Variants in ADAMTS7 observed in about 807,000 individuals in gnomAD.
The protein encoded by ADAMTS7 is ADAM metallopeptidase with thrombospondin type 1 motif 7.
ADAMTS7 carries 89 observed loss-of-function variants against 172.6 expected under a neutral mutation model. The observed-to-expected ratio is 0.52, with a 90% CI of 0.43 to 0.61. ADAMTS7 has a LOEUF of 0.61. Among genes scored for constraint, ADAMTS7 ranks in the 20% least tolerant of loss-of-function variants. The pLI is 0.00. For missense variants in ADAMTS7, 1,973 were observed against 2,355.6 expected (o/e 0.84, Z 3.36); for synonymous variants, 885 against 978.4 (o/e 0.90, Z 1.78).
In ADAMTS7 at chr15:78,796,560, G is replaced by A. The variant is rs768739322; in HGVS notation, c.819+30C>T. 17 of 1,303,372 alleles carry A rather than the reference G, an allele frequency of 1.3e-5. No individual in the cohort carries two copies. In the East Asian group the frequency reaches 1.6e-4, roughly 12 times the overall value. The allele number at this position is 1,303,372 out of a possible 1,614,324, so 80.7% of individuals were successfully genotyped here. Reference sequence around the variant, plus strand: ...CACCCCACCCCCCAACACCATCCCCGCCACCCGCTCCTGGCCCACACAGAC... The same window carrying A: ...CACCCCACCCCCCAACACCATCCCCACCACCCGCTCCTGGCCCACACAGAC... On this transcript the variant is annotated intron_variant, in intron 4 of 23. Transcript: ENST00000388820.
At chr15:78,799,044 G>A (rs1194057959) in intron 2 of ADAMTS7, among the ~76,000 whole-genome samples, 1 of 147,078 alleles carries the variant, frequency 6.8e-6, no homozygotes, top group African/African-American at 2.5e-5. Context: ...GATGCCCCAT[G>A]TGCACAGCTG....
chr15:78,806,434 G>GT (rs899291966), intron 1 of ADAMTS7, among the ~76,000 whole-genome samples: 1 of 152,200 alleles, frequency 6.6e-6, no homozygotes, highest in Non-Finnish European at 1.5e-5. Context: ...GTCCAGGCAT[G>GT]TGTTTTGTAA....
At position 78,791,165 on chromosome 15, in the gene ADAMTS7, C is replaced by T. The variant is rs777140162; in HGVS notation, c.878G>A (p.Arg293His). Residue 293 changes from arginine (R) to histidine (H), a missense_variant, in exon 5 of 24, where the codon CGC becomes CAC. Arg to His is a conservative substitution (Grantham distance 29, BLOSUM62 0). This residue lies in a region of ADAMTS7 where 526 missense variants were observed against 662.9 expected (regional missense o/e 0.79). Transcript: ENST00000388820. ...CTCCTCATCTTCCAGCAGGACCAGGCGCACAATGGTGATGTGGATGGGGTT... is the reference window on the plus strand; with the variant it reads ...CTCCTCATCTTCCAGCAGGACCAGGTGCACAATGGTGATGTGGATGGGGTT... ...IGNPIHITIV[R>H]LVLLEDEEED... The T allele has an allele frequency of 1.7e-5, 27 of 1,613,342 alleles. No individual in the cohort carries two copies. Among genetic ancestry groups the T allele is most frequent in the Middle Eastern group, 1.7e-4 (1 of 6,034 alleles).
At chr15:78,790,355 T>C (rs893795071) in intron 6 of ADAMTS7, among the ~76,000 whole-genome samples, 7 of 152,166 alleles carry the variant, frequency 4.6e-5, no homozygotes, top group African/African-American at 1.2e-4. Context: ...AGTCTGTGGA[T>C]GGTATCAGTG....
chr15:78,805,449 G>A (rs1325268725), intron 1 of ADAMTS7, among the ~76,000 whole-genome samples: 1 of 149,822 alleles, frequency 6.7e-6, no homozygotes, highest in African/African-American at 2.6e-5. Context: ...TGGCTGGGGT[G>A]GAGCAGTGAG....
At chr15:78,790,601 G>A in intron 6 of ADAMTS7, 69 bp downstream of exon 6, 2 of 1,588,854 alleles carry the variant, frequency 1.3e-6, no homozygotes, top group East Asian at 4.5e-5. Context: ...TCCTCCACCA[G>A]GGCTTCTTCT....
chr15:78,787,960 T>C lies in ADAMTS7; in HGVS notation c.1322+271A>G, dbSNP rs753660108. 4.6e-5 allele frequency among the ~76,000 whole-genome samples: 7 copies of C among 152,144 alleles called. No homozygotes were observed. The East Asian group carries it at 7.8e-4, about 17-fold the overall frequency. On this transcript the variant is annotated intron_variant, in intron 8 of 23. Transcript: ENST00000388820. ...CTTCTCCCTTCTGCACATGTGTGAA[T>C]TCTTGCTCCTCCTCCAAGTTCAAGC...
intron 17 of ADAMTS7, 70 bp from the exon 18 acceptor site, chr15:78,767,662 G>A: frequency 3.6e-6 from 5 of 1,397,680 alleles, no homozygotes; most frequent in East Asian, 2.5e-5. Flanking sequence ...CAGCAGGGGG[G>A]GCCAGGCTGG....
chr15:78,809,139 G>A (rs1234229510), intron 1 of ADAMTS7, among the ~76,000 whole-genome samples: 1 of 152,204 alleles, frequency 6.6e-6, no homozygotes, highest in Non-Finnish European at 1.5e-5. Context: ...GTGCCATACG[G>A]CATGAGGAGG....
chr15:78,766,653 T>C lies in ADAMTS7; in HGVS notation c.3258A>G (p.Leu1086=). ...LSYGPSEEPD[L]DLAGTGDRTP... Reference sequence around the variant, plus strand: ...TCCGGTCCCCTGTCCCCGCCAGGTCTAGATCGGGCTCCTCAGAGGGCCCGT... The same window carrying C: ...TCCGGTCCCCTGTCCCCGCCAGGTCCAGATCGGGCTCCTCAGAGGGCCCGT... Residue 1086 remains leucine (L), a synonymous_variant, in exon 19 of 24, where the codon CTA becomes CTG. Transcript: ENST00000388820. The C allele has an allele frequency of 1.9e-6, 3 of 1,610,778 alleles. No individual in the cohort carries two copies. Among genetic ancestry groups the C allele is most frequent in the Middle Eastern group, 2.3e-4 (1 of 4,432 alleles).
chr15:78,793,660 T>A (rs889711397), intron 4 of ADAMTS7, among the ~76,000 whole-genome samples: 9 of 151,970 alleles, frequency 5.9e-5, no homozygotes, highest in Non-Finnish European at 1.5e-5. Flanking sequence ...TGAGACAGAG[T>A]CCCCAAGTGT....
In ADAMTS7 at chr15:78,766,544, C is replaced by T; in HGVS notation, c.3367G>A (p.Gly1123Arg). Residue 1123 changes from glycine to arginine, a missense_variant, in exon 19 of 24, where the codon GGG becomes AGG. This residue lies in a region of ADAMTS7 where 771 missense variants were observed against 952.6 expected (regional missense o/e 0.81). Coordinates refer to ENST00000388820, the MANE Select transcript of ADAMTS7 (RefSeq NM_014272.5). ...ATEPPAAKEEGVLGPWSPSPW... is the reference protein window; with the variant it reads ...ATEPPAAKEERVLGPWSPSPW... Reference sequence around the variant, plus strand: ...CTCGGGGACCAAGGTCCCAGTACCCCCTCCTCCTTGGCTGCAGGAGGCTCT... The same window carrying T: ...CTCGGGGACCAAGGTCCCAGTACCCTCTCCTCCTTGGCTGCAGGAGGCTCT... The T allele has an allele frequency of 1.9e-6, 3 of 1,598,504 alleles. 1 individual carries two copies. Among genetic ancestry groups the T allele is most frequent in the Non-Finnish European group, 2.6e-6 (3 of 1,172,998 alleles).
At chr15:78,804,017 C>T (rs534391970) in intron 1 of ADAMTS7, among the ~76,000 whole-genome samples, 43 of 152,296 alleles carry the variant, frequency 2.8e-4, no homozygotes, top group African/African-American at 9.6e-4. Context: ...CAGGTTAGGA[C>T]ACCTGCAGTA....
At position 78,777,437 on chromosome 15, in the gene ADAMTS7, C is replaced by T. The variant is rs1289259658; in HGVS notation, c.1467+7G>A. ...CACACCCCCACACCCACACCGGCCC[C>T]ACTCACATCCATGTCCTCGCAGAAG... On this transcript the variant is annotated splice_region_variant and intron_variant, in intron 9 of 23. Transcript: ENST00000388820. The T allele has an allele frequency of 6.8e-6, 11 of 1,611,344 alleles. No homozygotes were observed. The highest frequency in any genetic ancestry group is 1.7e-5 in the Admixed American group (1 of 59,806).
In ADAMTS7 at chr15:78,764,057, G is replaced by A; in HGVS notation, c.4462C>T (p.Gln1488Ter). 6.5e-7 allele frequency: 1 copy of A among 1,531,132 alleles called. No individual in the cohort carries two copies. The highest frequency in any genetic ancestry group is 8.8e-7 in the Non-Finnish European group (1 of 1,135,914). The allele number at this position is 1,531,132 out of a possible 1,614,324, so 94.8% of individuals were successfully genotyped here. A position where few individuals can be genotyped will look rare whatever the true frequency, so the allele number is the denominator to read the frequency against. The stretch of plus-strand genomic sequence containing the variant: ...CGGAGGTCCCGTGTGTCCACACACT[G>A]CACGTCCCGCACTGAGGAACCTCCG... Reference protein sequence around the residue: ...CGGGSSVRDVQCVDTRDLRPL... With the variant: ...CGGGSSVRDV Residue 1488 changes from glutamine (Q) to a stop codon, truncating the protein, a stop_gained, in exon 21 of 24, where the codon CAG becomes TAG. Coordinates refer to ENST00000388820, the MANE Select transcript of ADAMTS7 (RefSeq NM_014272.5). LOFTEE classifies it high-confidence loss of function.
At chr15:78,779,096 C>T (rs1159289455) in intron 8 of ADAMTS7, among the ~76,000 whole-genome samples, 1 of 152,156 alleles carries the variant, frequency 6.6e-6, no homozygotes, top group Admixed American at 6.5e-5. Context: ...CTGCCCAGAG[C>T]TGCGGAGAAG....
intron 8 of ADAMTS7, 145 bp downstream of exon 8, chr15:78,788,086 C>A: frequency 9.1e-7 from 1 of 1,096,720 alleles, no homozygotes; most frequent in Non-Finnish European, 1.3e-6. Context: ...TCTGCATCAC[C>A]CCCATTAGAC....
intron 8 of ADAMTS7, among the ~76,000 whole-genome samples, chr15:78,784,499 G>C (rs1332705917): frequency 6.6e-6 from 1 of 152,086 alleles, no homozygotes; most frequent in Admixed American, 6.6e-5. Context: ...AAGAAAGTGA[G>C]AGAATAGCTG....
rs1460735893 is a variant in ADAMTS7 at position 78,771,887 on chromosome 15, A to T, written c.2132-58T>A. The T allele has an allele frequency of 2.5e-6, 4 of 1,569,332 alleles. No homozygotes were observed. The African/African-American group carries it at 5.4e-5, about 21-fold the overall frequency. On this transcript the variant is annotated intron_variant, in intron 14 of 23. Transcript: ENST00000388820. The surrounding 1 kb of genome is among the most constrained non-coding windows in gnomAD (Gnocchi z 4.9). ...CAGGGTGAGAGGGTTGCTTATCCCC[A>T]CCCGCTCCCCTCATGTCTCTCCCCA...
Sources: allele counts gnomAD v4.1 joint callset (sites outside exome capture counted in the v4.1 genomes callset), GRCh38; gene constraint gnomAD v4.1.1; regional missense constraint gnomAD v4.1.1; non-coding constraint Gnocchi (gnomAD v3.1); transcripts MANE v1.5; gene names NCBI Gene and HGNC (gene_info 2026-07-23, HGNC 2026-07-21).